Variants in ZFHX4 observed in about 807,000 individuals in gnomAD.
ZFHX4 encodes the protein zinc finger homeobox protein 4.
A neutral mutation model predicts 267.6 loss-of-function variants in ZFHX4; 56 were observed. The observed-to-expected ratio is 0.21, with a 90% confidence interval of 0.17 to 0.26. The LOEUF (loss-of-function observed/expected upper bound fraction) is 0.26, where lower values mean the gene tolerates loss of function less well. ZFHX4 is among the 10% of genes least tolerant of loss of function. ZFHX4 has a pLI of 1.00. For missense variants in ZFHX4, 4,332 were observed against 4,420.0 expected (o/e 0.98, Z 0.56); for synonymous variants, 1,778 against 1,665.6 (o/e 1.07, Z -1.64).
chr8:76,735,227 A>G (rs1251511509), intron 3 of ZFHX4, among the ~76,000 whole-genome samples: 2 of 152,120 alleles, frequency 1.3e-5, no homozygotes, highest in African/African-American at 4.8e-5. Flanking sequence ...GCTTTCCAAA[A>G]GAAAATAAGA....
At position 76,681,520 on chromosome 8, in the gene ZFHX4, T is replaced by C. The variant is rs1807529305; in HGVS notation, c.-147T>C. 3 of 398,612 alleles carry C rather than the reference T, an allele frequency of 7.5e-6. No homozygotes were observed. The highest frequency in any genetic ancestry group is 6.3e-4 in the Middle Eastern group (1 of 1,588). 24.7% of individuals were successfully genotyped at this position (398,612 alleles called of 1,614,324 possible). On this transcript the variant is annotated 5_prime_UTR_variant, in exon 1 of 11. An upstream start codon of the reference 5' UTR is lost. Coordinates refer to ENST00000651372, the MANE Select transcript of ZFHX4 (RefSeq NM_024721.5). ...TTTTTTATTTTTTTTGTTTTTTTAA[T>C]GAACCCTCTCGTTTTACTTGGATGT...
intron 5 of ZFHX4, among the ~76,000 whole-genome samples, chr8:76,841,115 G>T (rs1189532812): frequency 6.6e-6 from 1 of 152,192 alleles, no homozygotes; most frequent in Non-Finnish European, 1.5e-5. Flanking sequence ...GGGCAAAAAT[G>T]GAATAAATGG....
At chr8:76,734,068 G>T (rs780388608) in intron 3 of ZFHX4, among the ~76,000 whole-genome samples, 1 of 152,122 alleles carries the variant, frequency 6.6e-6, no homozygotes, top group Non-Finnish European at 1.5e-5. Flanking sequence ...TGCTAATTTA[G>T]GGCTTAGGAG....
intron 3 of ZFHX4, among the ~76,000 whole-genome samples, chr8:76,777,904 T>C (rs1810441914): frequency 6.6e-6 from 1 of 150,978 alleles, no homozygotes; most frequent in South Asian, 2.1e-4. Flanking sequence ...TTTTCTGAGA[T>C]AACTAGTTAA....
intron 3 of ZFHX4, among the ~76,000 whole-genome samples, chr8:76,753,006 G>A (rs1444026080): frequency 6.6e-6 from 1 of 152,176 alleles, no homozygotes; most frequent in African/African-American, 2.4e-5. Context: ...ACCAGTGCAT[G>A]CCAATGCATA....
chr8:76,838,889 T>C (rs1156305644), intron 5 of ZFHX4, among the ~76,000 whole-genome samples: 2 of 152,058 alleles, frequency 1.3e-5, no homozygotes, highest in Non-Finnish European at 2.9e-5. Flanking sequence ...ACCTCGTCTC[T>C]ACTAAAAATA....
Position 76,707,655 on chromosome 8 carries a change from G to C in ZFHX4, c.2700G>C (p.Ala900=), listed in dbSNP as rs1808313453. ...GELSPYISDP[A]LKLFQCAVCN... ...TGTCACCTTATATCAGTGACCCAGC[G>C]CTGAAGCTATTCCAGTGTGCTGTTT... Residue 900 remains alanine (A), a synonymous_variant, in exon 3 of 11, where the codon GCG becomes GCC. Transcript: ENST00000651372. 6.2e-7 allele frequency: 1 copy of C among 1,613,704 alleles called. No homozygotes were observed. The highest frequency in any genetic ancestry group is 1.7e-5 in the Admixed American group (1 of 59,970).
In ZFHX4 at chr8:76,861,691, T is replaced by G. The variant is rs112854582; in HGVS notation, c.9380-1403T>G. Among the ~76,000 whole-genome samples the G allele has an allele frequency of 6.1e-3, 928 of 151,658 alleles. 7 individuals carry two copies. Among genetic ancestry groups the G allele is most frequent in the African/African-American group, 0.022 (900 of 41,358 alleles). On this transcript the variant is annotated intron_variant, in intron 10 of 10. Transcript: ENST00000651372. ...AAGATCAATTAAGAAACTATGGAGG[T>G]TTTTTATTTTTATTTTTTATTTTTT... is the stretch of plus-strand genomic sequence containing the variant.
At chr8:76,835,903 G>T (rs999062772) in intron 5 of ZFHX4, among the ~76,000 whole-genome samples, 8 of 152,034 alleles carry the variant, frequency 5.3e-5, no homozygotes, top group Non-Finnish European at 1.2e-4. Context: ...ATACCTTCTG[G>T]ATGTTTTCAT....
Position 76,863,769 on chromosome 8 carries a change from T to C in ZFHX4, c.10055T>C (p.Val3352Ala). The change falls in exon 11 of 11, where the codon GTA (valine) becomes GCA (alanine). Residue 3352 changes from valine to alanine, a missense_variant. Around this residue, in one of 7 missense-constraint regions of ZFHX4, gnomAD observed 1,648 missense variants for 1,625.0 expected, o/e 1.01. Coordinates refer to ENST00000651372, the MANE Select transcript of ZFHX4 (RefSeq NM_024721.5). ...QKPVQAKTSK[V>A]ESDQPQNSND... ...CCAGTTCAGGCAAAGACATCCAAAG[T>C]AGAAAGTGACCAGCCGCAAAACTCC... 1 of 1,552,130 alleles carries C rather than the reference T, an allele frequency of 6.4e-7. No individual in the cohort carries two copies. The highest frequency in any genetic ancestry group is 2.4e-5 in the East Asian group (1 of 40,906).
rs78332003 is a variant in ZFHX4 at position 76,830,933 on chromosome 8, C to T, written c.3326-2405C>T. Among the ~76,000 whole-genome samples the T allele has an allele frequency of 1.7e-3, 260 of 152,240 alleles. 3 individuals carry two copies. The East Asian group carries it at 0.032, about 19-fold the overall frequency. ...AAGACTAGGAAAACCTTTACAGGCT[C>T]CCAAATATTGTGGTATTACAACTAG... On this transcript the variant is annotated intron_variant, in intron 4 of 10. Coordinates refer to ENST00000651372, the MANE Select transcript of ZFHX4 (RefSeq NM_024721.5).
chr8:76,809,067 A>G (rs1811313178), intron 4 of ZFHX4, among the ~76,000 whole-genome samples: 1 of 152,122 alleles, frequency 6.6e-6, no homozygotes, highest in African/African-American at 2.4e-5. Context: ...TTTGAATGAA[A>G]AGACCATCTG....
Position 76,748,688 on chromosome 8 carries a change from G to A in ZFHX4, c.3094-29520G>A, listed in dbSNP as rs1211440153. On this transcript the variant is annotated intron_variant, in intron 3 of 10. Transcript: ENST00000651372. ...TGGCCTCAAGTGATCCTCCTGCCTC[G>A]GCCTCTCAAAGCGTGTCTTTTCTTT... Among the ~76,000 whole-genome samples the A allele has an allele frequency of 4.6e-5, 7 of 151,928 alleles. No individual in the cohort carries two copies. The East Asian group carries it at 7.7e-4, about 17-fold the overall frequency.
chr8:76,817,392 C>T (rs541803038), intron 4 of ZFHX4, among the ~76,000 whole-genome samples: 89 of 152,180 alleles, frequency 5.8e-4, no homozygotes, highest in Admixed American at 1.9e-3. Context: ...TCCAAATTCT[C>T]ATAGTTCATA....
chr8:76,748,977 G>A (rs1194103195), intron 3 of ZFHX4, among the ~76,000 whole-genome samples: 2 of 152,170 alleles, frequency 1.3e-5, no homozygotes, highest in African/African-American at 4.8e-5. Flanking sequence ...CTGTACATCT[G>A]TATCATAATT....
chr8:76,756,263 G>A (rs1359376978), intron 3 of ZFHX4, among the ~76,000 whole-genome samples: 1 of 152,114 alleles, frequency 6.6e-6, no homozygotes, highest in African/African-American at 2.4e-5. Context: ...TAAATCAAAT[G>A]TTTATTTCAC....
intron 3 of ZFHX4, among the ~76,000 whole-genome samples, chr8:76,771,268 A>G (rs1288767338): frequency 1.3e-5 from 2 of 151,900 alleles, no homozygotes; most frequent in Non-Finnish European, 2.9e-5. Context: ...TATTTATTTG[A>G]GTGTTATATT....
Position 76,833,384 on chromosome 8 carries a change from G to A in ZFHX4, c.3372G>A (p.Glu1124=), listed in dbSNP as rs1348611319. 1.2e-6 allele frequency: 2 copies of A among 1,610,082 alleles called. No homozygotes were observed. The highest frequency in any genetic ancestry group is 2.2e-5 in the East Asian group (1 of 44,750). ...GGACTTGTGATGATGATCTTACAGAGCAGCAGTTGAGATCGACCTCAGGTA... is the reference window on the plus strand; with the variant it reads ...GGACTTGTGATGATGATCTTACAGAACAGCAGTTGAGATCGACCTCAGGTA... The part of the protein sequence containing the change: ...GARTCDDDLT[E]QQLRSTSEEQ... The change falls in exon 5 of 11, where the codon GAG becomes GAA. Residue 1124 remains glutamate (E), a synonymous_variant. Transcript: ENST00000651372.
At chr8:76,781,371 C>T (rs561079909) in intron 4 of ZFHX4, among the ~76,000 whole-genome samples, 2 of 152,106 alleles carry the variant, frequency 1.3e-5, no homozygotes, top group South Asian at 4.1e-4. Context: ...ATAGAAAGTT[C>T]CCTTCCAATA....
Sources: allele counts gnomAD v4.1 joint callset (sites outside exome capture counted in the v4.1 genomes callset), GRCh38; gene constraint gnomAD v4.1.1; regional missense constraint gnomAD v4.1.1; transcripts MANE v1.5; gene names NCBI Gene and HGNC (gene_info 2026-07-23, HGNC 2026-07-21).